BCL2L13: variants seen among roughly 807,000 people sequenced by gnomAD.
The protein encoded by BCL2L13 is bcl-2-like protein 13.
BCL2L13 carries 13 observed loss-of-function variants against 25.8 expected under a neutral mutation model. The ratio of observed to expected loss-of-function variants is 0.50; its 90% CI spans 0.33 to 0.80. BCL2L13 has a LOEUF of 0.80. Among genes scored for constraint, BCL2L13 ranks in the 30% least tolerant of loss-of-function variants. The pLI, the probability that BCL2L13 is intolerant of heterozygous loss-of-function variation, is 0.02. For missense variants in BCL2L13, 504 were observed against 574.9 expected (o/e 0.88, Z 1.26); for synonymous variants, 244 against 230.3 (o/e 1.06, Z -0.54).
intron 3 of BCL2L13, among the ~76,000 whole-genome samples, chr22:17,684,037 A>G (rs1368767431): frequency 6.6e-6 from 1 of 152,044 alleles, no homozygotes; most frequent in African/African-American, 2.4e-5. Flanking sequence ...GACGACGACT[A>G]CACAGCATTT....
intron 6 of BCL2L13, among the ~76,000 whole-genome samples, chr22:17,719,151 C>CT: frequency 1.6e-5 from 1 of 61,404 alleles, no homozygotes; most frequent in Non-Finnish European, 3.2e-5. Context: ...AAGGCTCTGT[C>CT]TCAAAAAAAA....
At chr22:17,641,923 C>T (rs897856903) in intron 1 of BCL2L13, among the ~76,000 whole-genome samples, 1 of 151,430 alleles carries the variant, frequency 6.6e-6, no homozygotes, top group African/African-American at 2.4e-5. Flanking sequence ...CCTCAGCCTC[C>T]TGAGTAGCTG....
At chr22:17,639,738 ACTT>A (rs1245751723) in intron 1 of BCL2L13, among the ~76,000 whole-genome samples, 1 of 152,116 alleles carries the variant, frequency 6.6e-6, no homozygotes, top group African/African-American at 2.4e-5. Flanking sequence ...CAAAACAAAA[ACTT>A]CTTTGGCGAA....
chr22:17,629,935 C>T (rs1008982783), intron 1 of BCL2L13, among the ~76,000 whole-genome samples: 5 of 151,872 alleles, frequency 3.3e-5, no homozygotes, highest in African/African-American at 1.2e-4. Context: ...TCCTTTGTCC[C>T]GGGCCAGGCG....
chr22:17,701,738 C>T (rs1013032451), intron 5 of BCL2L13, among the ~76,000 whole-genome samples: 3 of 151,948 alleles, frequency 2.0e-5, no homozygotes, highest in East Asian at 3.9e-4. Flanking sequence ...CCAGCCTGGC[C>T]AACATGGTGA....
At chr22:17,654,208 C>T (rs2058776013) in intron 1 of BCL2L13, among the ~76,000 whole-genome samples, 2 of 151,604 alleles carry the variant, frequency 1.3e-5, no homozygotes, top group South Asian at 4.2e-4. Flanking sequence ...TGGGCTCAAG[C>T]AGTTATCCCA....
chr22:17,682,913 C>G (rs1315166210), intron 2 of BCL2L13, among the ~76,000 whole-genome samples: 6 of 152,142 alleles, frequency 3.9e-5, no homozygotes, highest in African/African-American at 1.4e-4. Context: ...GCAGGCGGAT[C>G]ACAAGGTCAG....
upstream of BCL2L13, among the ~76,000 whole-genome samples, chr22:17,633,908 G>A (rs993511826): frequency 1.1e-4 from 16 of 151,966 alleles, no homozygotes; most frequent in Admixed American, 6.6e-5. Flanking sequence ...TCTAGTAGAT[G>A]AGACCACTGG....
Position 17,647,441 on chromosome 22 carries a change from C to T in BCL2L13, c.-50-8221C>T, listed in dbSNP as rs555998885. On this transcript the variant is annotated intron_variant, in intron 1 of 6. Coordinates refer to ENST00000317582, the MANE Select transcript of BCL2L13 (RefSeq NM_015367.4). The stretch of plus-strand genomic sequence containing the variant: ...CTTTCATCCAATCTAGCTTTTTTTT[C>T]CCCCCGTCCATTCTCAAAACTGACA... 2.0e-3 allele frequency among the ~76,000 whole-genome samples: 303 copies of T among 151,866 alleles called. 1 individual carries two copies. The highest frequency in any genetic ancestry group is 0.01 in the Middle Eastern group (3 of 294).
At chr22:17,722,109 A>G (rs2535681) in intron 6 of BCL2L13, among the ~76,000 whole-genome samples, 21,225 of 152,280 alleles carry the variant, frequency 0.14, 2,037 homozygotes, top group Non-Finnish European at 0.21. Context: ...ATATGTATAT[A>G]TGTGCATTTA....
intron 2 of BCL2L13, among the ~76,000 whole-genome samples, chr22:17,656,862 A>T (rs763372811): frequency 6.6e-6 from 1 of 152,114 alleles, no homozygotes; most frequent in Non-Finnish European, 1.5e-5. Context: ...TCTGTTGCCC[A>T]GGCTGGAGTG....
At chr22:17,693,191 A>C (rs1039465748) in intron 4 of BCL2L13, among the ~76,000 whole-genome samples, 2 of 151,472 alleles carry the variant, frequency 1.3e-5, no homozygotes, top group African/African-American at 4.8e-5. Context: ...AATAATATGT[A>C]ATATAAAATA....
chr22:17,671,191 G>A (rs994960602), intron 2 of BCL2L13, among the ~76,000 whole-genome samples: 1 of 152,066 alleles, frequency 6.6e-6, no homozygotes, highest in African/African-American at 2.4e-5. Flanking sequence ...TCAAGAGATC[G>A]AGACCATCCT....
At position 17,685,760 on chromosome 22, in the gene BCL2L13, C is replaced by CT. The variant is rs1166792513; in HGVS notation, c.229+2468dup. 7.6e-3 allele frequency among the ~76,000 whole-genome samples: 460 copies of CT among 60,514 alleles called. 69 individuals are homozygous for CT. The highest frequency in any genetic ancestry group is 0.023 in the African/African-American group (364 of 15,798). The allele number at this position is 60,514 out of a possible 152,430, so 39.7% of individuals were successfully genotyped here. A position where few individuals can be genotyped will look rare whatever the true frequency, so the allele number is the denominator to read the frequency against. Reference sequence around the variant, plus strand: ...TATTGCCCAATAATTTTTTCTTTTTCTTTTTTTTTTTTTTTTTTTTTTTTT... The same window carrying CT: ...TATTGCCCAATAATTTTTTCTTTTTCTTTTTTTTTTTTTTTTTTTTTTTTTT... On this transcript the variant is annotated intron_variant, in intron 3 of 6. Transcript: ENST00000317582.
rs1237068051 is a variant in BCL2L13 at position 17,645,965 on chromosome 22, G to A, written c.-51+7079G>A. Among the ~76,000 whole-genome samples the A allele has an allele frequency of 2.0e-5, 3 of 151,568 alleles. No homozygotes were observed. In the East Asian group the frequency reaches 5.8e-4, roughly 29 times the overall value. On this transcript the variant is annotated intron_variant, in intron 1 of 6. Coordinates refer to ENST00000317582, the MANE Select transcript of BCL2L13 (RefSeq NM_015367.4). Reference sequence around the variant, plus strand: ...ACAGCTATTTAATGGCATTTACATTGTCTTAGGTATTATAAGTAATCTAGA... The same window carrying A: ...ACAGCTATTTAATGGCATTTACATTATCTTAGGTATTATAAGTAATCTAGA...
intron 1 of BCL2L13, among the ~76,000 whole-genome samples, chr22:17,629,505 T>A (rs899152104): frequency 6.6e-6 from 1 of 151,984 alleles, no homozygotes; most frequent in African/African-American, 2.4e-5. Flanking sequence ...AGGACAGAAA[T>A]CCCCCCAGGC....
intron 4 of BCL2L13, 75 bp from the exon 5 acceptor site, chr22:17,696,066 G>A: frequency 9.6e-7 from 1 of 1,044,860 alleles, no homozygotes; most frequent in African/African-American, 1.6e-5. Context: ...ACAGAGTAGT[G>A]ACTGTATATG....
intron 1 of BCL2L13, among the ~76,000 whole-genome samples, chr22:17,640,856 T>A (rs756660275): frequency 1.3e-5 from 2 of 150,390 alleles, no homozygotes; most frequent in Admixed American, 6.7e-5. Flanking sequence ...ACTCAAAAAA[T>A]ATATATATGT....
chr22:17,718,605 G>A (rs553883491), intron 6 of BCL2L13, among the ~76,000 whole-genome samples: 9 of 152,292 alleles, frequency 5.9e-5, no homozygotes, highest in African/African-American at 1.2e-4. Context: ...ATGAAATCCC[G>A]TAAGATTATA....
Sources: allele counts gnomAD v4.1 joint callset (sites outside exome capture counted in the v4.1 genomes callset), GRCh38; gene constraint gnomAD v4.1.1; transcripts MANE v1.5; gene names NCBI Gene and HGNC (gene_info 2026-07-23, HGNC 2026-07-21).